The following PIK3CD variants were observed in gnomAD, a reference collection of about 807,000 sequenced individuals.
PIK3CD encodes the protein phosphatidylinositol-4,5-bisphosphate 3-kinase catalytic subunit delta.
PIK3CD carries 20 observed loss-of-function variants against 122.9 expected under a neutral mutation model. That is an observed-to-expected ratio of 0.16 (90% CI 0.11 to 0.24). The LOEUF is 0.24. Among genes scored for constraint, PIK3CD ranks in the 10% least tolerant of loss-of-function variants. PIK3CD has a pLI of 1.00. For synonymous variants in PIK3CD, 596 were observed against 593.4 expected, an observed-to-expected ratio of 1.00 and a Z score of -0.06; for missense variants, 787 against 1,406.3, an observed-to-expected ratio of 0.56 and a Z score of 7.04.
Position 9,720,855 on chromosome 1 carries a change from G to A in PIK3CD, c.1635G>A (p.Ala545=), listed in dbSNP as rs769971778. Residue 545 remains alanine (A), a synonymous_variant, in exon 13 of 24, where the codon GCG becomes GCA. Coordinates refer to ENST00000377346, the MANE Select transcript of PIK3CD (RefSeq NM_005026.5). This position sits in a 1 kb window ranked among gnomAD's most constrained non-coding sequence, Gnocchi z 9.0. ...AAGTCCAGGAGCACTTCCCGGAGGC[G>A]CTAGCCCGGCTGCTGCTGGTCACCA... ...RHEVQEHFPE[A]LARLLLVTKW... is the part of the protein sequence containing the mutation. The A allele has an allele frequency of 4.7e-5, 76 of 1,609,598 alleles. 1 individual carries two copies. In the Admixed American group the frequency reaches 6.2e-4, roughly 13 times the overall value.
At position 9,662,658 on chromosome 1, in the gene PIK3CD, C is replaced by CA. The variant is rs1645042182; in HGVS notation, c.-138+10860dup. On this transcript the variant is annotated intron_variant, in intron 1 of 23. Transcript: ENST00000377346. ...GCCACTCCGGCTTCGGTGATGGCCA[C>CA]AAAAGTGAAGAGCGGTTCCATTACT... is the stretch of plus-strand genomic sequence containing the variant. 3 of 152,156 alleles carry CA rather than the reference C, an allele frequency of 2.0e-5. No individual in the cohort carries two copies. In the South Asian group the frequency reaches 6.2e-4, roughly 31 times the overall value. 9.4% of individuals were successfully genotyped at this position (152,156 alleles called of 1,614,324 possible). A position where few individuals can be genotyped will look rare whatever the true frequency, so the allele number is the denominator to read the frequency against.
At chr1:9,679,074 T>C (rs1014961313) in intron 1 of PIK3CD, among the ~76,000 whole-genome samples, 1 of 149,564 alleles carries the variant, frequency 6.7e-6, no homozygotes, top group East Asian at 2.0e-4. Flanking sequence ...TTTTTTTTTT[T>C]TTTTTTTTTT....
rs544097823 is a variant in PIK3CD, at chr1:9,678,963, T to C, written c.-137-12504T>C. ...AGAGGACCATCCTTTGGGGCATGTG[T>C]AAGGCCCCTTTTGTGGGAAGGGCCT... is the stretch of plus-strand genomic sequence containing the variant. On this transcript the variant is annotated intron_variant, in intron 1 of 23. Coordinates refer to ENST00000377346, the MANE Select transcript of PIK3CD (RefSeq NM_005026.5). Among the ~76,000 whole-genome samples the C allele has an allele frequency of 3.3e-5, 5 of 152,144 alleles. 1 individual carries two copies. The highest frequency in any genetic ancestry group is 3.3e-4 in the Admixed American group (5 of 15,246).
At position 9,722,139 on chromosome 1, in the gene PIK3CD, G is replaced by A. The variant is rs779908991; in HGVS notation, c.2220G>A (p.Leu740=). The change falls in exon 17 of 24, where the codon CTG becomes CTA. Residue 740 remains leucine (L), a synonymous_variant. Transcript: ENST00000377346. The surrounding 1 kb of genome is among the most constrained non-coding windows in gnomAD (Gnocchi z 7.6). ...HLQSPLDPST[L]LAEVCVEQCT... ...AGTCCCCACTCGACCCCAGCACCCT[G>A]CTGGCTGAAGTCTGGTGAGCCCAAG... 6.2e-7 allele frequency: 1 copy of A among 1,612,780 alleles called. No individual in the cohort carries two copies. The highest frequency in any genetic ancestry group is 8.5e-7 in the Non-Finnish European group (1 of 1,179,780).
At chr1:9,716,778 G>A (rs79257776) in intron 6 of PIK3CD, among the ~76,000 whole-genome samples, 159 bp downstream of exon 6, 1 of 152,216 alleles carries the variant, frequency 6.6e-6, no homozygotes, top group African/African-American at 2.4e-5. Context: ...CCCTCTCTGA[G>A]AGCACAAGGA....
At position 9,718,639 on chromosome 1, in the gene PIK3CD, G is replaced by C. The variant is rs1213130825; in HGVS notation, c.1021-55G>C. ...GGGGAGACTGACACCTTAAGGGGGAGGGGAGAGGGGCTGGGCCTCTGCCTC... is the reference window on the plus strand; with the variant it reads ...GGGGAGACTGACACCTTAAGGGGGACGGGAGAGGGGCTGGGCCTCTGCCTC... On this transcript the variant is annotated intron_variant, in intron 8 of 23. Transcript: ENST00000377346. The surrounding 1 kb of genome is among the most constrained non-coding windows in gnomAD (Gnocchi z 7.2). The C allele has an allele frequency of 6.7e-7, 1 of 1,491,150 alleles. No individual in the cohort carries two copies. Among genetic ancestry groups the C allele is most frequent in the African/African-American group, 1.4e-5 (1 of 72,734 alleles). 92.4% of individuals were successfully genotyped at this position (1,491,150 alleles called of 1,614,324 possible).
At chr1:9,665,491 A>G (rs1201141401) in intron 1 of PIK3CD, among the ~76,000 whole-genome samples, 1 of 151,294 alleles carries the variant, frequency 6.6e-6, no homozygotes, top group Non-Finnish European at 1.5e-5. Context: ...CATTCCGCAC[A>G]GGGCTGTGGA....
intron 1 of PIK3CD, among the ~76,000 whole-genome samples, chr1:9,685,058 T>G (rs1030463595): frequency 6.6e-5 from 10 of 152,100 alleles, no homozygotes; most frequent in Non-Finnish European, 1.3e-4. Context: ...ACTTTGCTTT[T>G]TAACTACAGA....
chr1:9,630,758 A>G, the PIK3CD span, among the ~76,000 whole-genome samples: 1 of 146,684 alleles, frequency 6.8e-6, no homozygotes, highest in Non-Finnish European at 1.5e-5. Context: ...GGGCAGAAGG[A>G]AGTGTGGGGA....
intron 1 of PIK3CD, chr1:9,653,802 A>G (rs1644752706): frequency 7.3e-7 from 1 of 1,367,156 alleles, no homozygotes; most frequent in Non-Finnish European, 9.8e-7. Context: ...TTAGGATTCC[A>G]GCCATCTTGG....
At chr1:9,709,427 C>T (rs1007704615) in intron 2 of PIK3CD, among the ~76,000 whole-genome samples, 4 of 151,446 alleles carry the variant, frequency 2.6e-5, no homozygotes, top group African/African-American at 9.7e-5. Context: ...TTCAGAGAGG[C>T]TGGATATGGT....
rs531510973 is a variant in PIK3CD at position 9,727,461 on chromosome 1, C to T, written c.*415C>T. 1,118 of 384,728 alleles carry T rather than the reference C, an allele frequency of 2.9e-3. 5 individuals carry two copies. The highest frequency in any genetic ancestry group is 7.3e-3 in the Middle Eastern group (9 of 1,238). 23.8% of individuals were successfully genotyped at this position (384,728 alleles called of 1,614,324 possible). On this transcript the variant is annotated 3_prime_UTR_variant, in exon 24 of 24. Transcript: ENST00000377346. ...CCGACAGGATGCCTTGATCCTCGTG[C>T]GACCCACCCTGTGTATCCTCCCTAG...
chr1:9,723,440 GT>G lies in PIK3CD; in HGVS notation c.2594+150del. ...CAGTTGAGGACCAGCCTGTGTCTGG[GT>G]TGGGGTGAGGTAGGTCTCTCTTCCC... is the stretch of plus-strand genomic sequence containing the variant. On this transcript the variant is annotated intron_variant, in intron 20 of 23. Transcript: ENST00000377346. This position sits in a 1 kb window ranked among gnomAD's most constrained non-coding sequence, Gnocchi z 4.9. 3.7e-6 allele frequency: 3 copies of G among 817,502 alleles called. No homozygotes were observed. The highest frequency in any genetic ancestry group is 6.3e-6 in the Non-Finnish European group (3 of 475,530). 50.6% of individuals were successfully genotyped at this position (817,502 alleles called of 1,614,324 possible). A position where few individuals can be genotyped will look rare whatever the true frequency, so the allele number is the denominator to read the frequency against.
At chr1:9,647,454 C>T (rs1187769268), upstream of PIK3CD, among the ~76,000 whole-genome samples, 2 of 148,864 alleles carry the variant, frequency 1.3e-5, no homozygotes, top group Non-Finnish European at 3.0e-5. Context: ...ATCTAGTTTA[C>T]AGATCTTAAC....
At chr1:9,647,705 T>G (rs928355661), upstream of PIK3CD, among the ~76,000 whole-genome samples, 2 of 151,908 alleles carry the variant, frequency 1.3e-5, no homozygotes, top group Admixed American at 6.6e-5. Flanking sequence ...GAGGTCTCAC[T>G]ATGTTGCTCA....
intron 2 of PIK3CD, among the ~76,000 whole-genome samples, chr1:9,696,727 A>C (rs77811428): frequency 6.7e-4 from 95 of 141,934 alleles, no homozygotes; most frequent in African/African-American, 2.4e-3. Context: ...CCCTGTCCCA[A>C]AAAAAAAAAA....
At chr1:9,721,301 C>G in intron 14 of PIK3CD, 53 bp downstream of exon 14, 1 of 1,612,236 alleles carries the variant, frequency 6.2e-7, no homozygotes, top group Non-Finnish European at 8.5e-7. Flanking sequence ...TGTGTCCTGG[C>G]TGCCAGGACG....
At chr1:9,644,109 G>A in the PIK3CD span, among the ~76,000 whole-genome samples, 5 of 152,166 alleles carry the variant, frequency 3.3e-5, no homozygotes, top group African/African-American at 7.2e-5. Context: ...AAGCCACTCC[G>A]GGTTGAGCAA....
chr1:9,721,231 G>C lies in PIK3CD; in HGVS notation c.1794G>C (p.Lys598Asn). 1.2e-6 allele frequency: 2 copies of C among 1,613,454 alleles called. No homozygotes were observed. The highest frequency in any genetic ancestry group is 2.2e-5 in the South Asian group (2 of 91,092). ...GCCACGTAGGCTCCTTCGCCATCAA[G>C]TCGCTGCGGAAACTGACGTGAGTCC... Reference protein sequence around the residue: ...PDCHVGSFAIKSLRKLTDDEL... With the variant: ...PDCHVGSFAINSLRKLTDDEL... Residue 598 changes from lysine (K) to asparagine (N), a missense_variant, in exon 14 of 24, where the codon AAG (lysine) becomes AAC (asparagine). Physicochemically the swap from Lys to Asn is moderately conservative, Grantham distance 94. Coordinates refer to ENST00000377346, the MANE Select transcript of PIK3CD (RefSeq NM_005026.5).
Sources: gnomAD v4.1 joint callset for allele counts (sites outside exome capture counted in the v4.1 genomes callset) on GRCh38, gnomAD v4.1.1 for gene constraint, Gnocchi (gnomAD v3.1) non-coding constraint, MANE v1.5 for transcripts, NCBI Gene and HGNC (gene_info 2026-07-23, HGNC 2026-07-21) for gene names.